Variants in SEMA3D observed in about 807,000 individuals in gnomAD.
The protein encoded by SEMA3D is semaphorin 3D.
SEMA3D carries 84 observed loss-of-function variants against 100.1 expected under a neutral mutation model. The ratio of observed to expected loss-of-function variants is 0.84; its 90% CI spans 0.70 to 1.01. The LOEUF (loss-of-function observed/expected upper bound fraction) is 1.01. Ranked by LOEUF, SEMA3D falls within the 50% of genes least tolerant of loss-of-function variation. The probability of loss-of-function intolerance (pLI) is 0.00; values close to 1 mark genes in which losing one functional copy is unlikely to be tolerated. For synonymous variants in SEMA3D, 312 were observed against 320.7 expected, an observed-to-expected ratio of 0.97 and a Z score of 0.29; for missense variants, 875 against 934.1, an observed-to-expected ratio of 0.94 and a Z score of 0.82.
rs35480171 is a variant in SEMA3D at position 85,117,763 on chromosome 7, AGTATGTATGTATGTAT to A, written c.151+3962_151+3977del. Among the ~76,000 whole-genome samples, 171 of 145,844 alleles carry A rather than the reference AGTATGTATGTATGTAT, an allele frequency of 1.2e-3. 1 individual carries two copies. The highest frequency in any genetic ancestry group is 7.2e-3 in the Middle Eastern group (2 of 278). ...ACTTGAGCGTGGGAGACAGAGCAAG[AGTATGTATGTATGTAT>A]GTATGTATGTATGTATGTATGTATG... On this transcript the variant is annotated intron_variant, in intron 3 of 18. Transcript: ENST00000284136.
intron 1 of SEMA3D, 63 bp from the exon 2 acceptor site, chr7:85,153,802 G>T (rs973139380): frequency 6.6e-6 from 1 of 152,160 alleles, no homozygotes; most frequent in Admixed American, 6.6e-5. Flanking sequence ...CCAGGACCAG[G>T]AAAGTCAGAT....
chr7:85,127,106 G>A (rs1470105134), intron 2 of SEMA3D, among the ~76,000 whole-genome samples: 1 of 152,106 alleles, frequency 6.6e-6, no homozygotes, highest in Non-Finnish European at 1.5e-5. Flanking sequence ...ACTCCTCAGA[G>A]ATCATGAAGA....
chr7:85,202,913 T>C, the SEMA3D span, among the ~76,000 whole-genome samples: 1 of 152,094 alleles, frequency 6.6e-6, no homozygotes, highest in Non-Finnish European at 1.5e-5. Context: ...TCTAAAGAAC[T>C]GGGAAATAAC....
chr7:85,016,371 AC>A (rs1455383959), intron 15 of SEMA3D, among the ~76,000 whole-genome samples: 1 of 150,906 alleles, frequency 6.6e-6, no homozygotes, highest in Admixed American at 6.6e-5. Flanking sequence ...AAATGTAATA[AC>A]CCCCCCTAAA....
At chr7:85,005,888 A>G (rs932885018) in intron 18 of SEMA3D, among the ~76,000 whole-genome samples, 1 of 152,036 alleles carries the variant, frequency 6.6e-6, no homozygotes, top group Admixed American at 6.6e-5. Flanking sequence ...GTTTGACTTA[A>G]TTACATGTAC....
At chr7:85,068,647 A>G (rs1460034663) in intron 6 of SEMA3D, among the ~76,000 whole-genome samples, 1 of 152,186 alleles carries the variant, frequency 6.6e-6, no homozygotes, top group Non-Finnish European at 1.5e-5. Context: ...AACCAACTTC[A>G]TCTTTTAAGA....
intron 7 of SEMA3D, among the ~76,000 whole-genome samples, 198 bp from the exon 8 acceptor site, chr7:85,065,750 CT>C (rs1386238010): frequency 6.6e-6 from 1 of 152,124 alleles, no homozygotes. Context: ...TAAGCTGATG[CT>C]GAATACTTGA....
intron 2 of SEMA3D, among the ~76,000 whole-genome samples, chr7:85,128,877 T>A (rs933881680): frequency 8.9e-5 from 11 of 123,242 alleles, no homozygotes; most frequent in East Asian, 5.3e-4. Context: ...ATATATATAT[T>A]TTTTTCCTTT....
chr7:85,209,086 A>C, the SEMA3D span, among the ~76,000 whole-genome samples: 1 of 152,032 alleles, frequency 6.6e-6, no homozygotes, highest in Admixed American at 6.6e-5. Context: ...TATGTTAATT[A>C]AAATCAGTTT....
intron 8 of SEMA3D, among the ~76,000 whole-genome samples, chr7:85,059,466 T>C (rs1791414598): frequency 6.6e-6 from 1 of 152,216 alleles, no homozygotes; most frequent in African/African-American, 2.4e-5. Context: ...GAATTTATTG[T>C]AGCACTTGCA....
At chr7:85,054,797 A>T (rs1443452586) in intron 9 of SEMA3D, among the ~76,000 whole-genome samples, 1 of 152,092 alleles carries the variant, frequency 6.6e-6, no homozygotes, top group African/African-American at 2.4e-5. Context: ...CTTCCCCTTA[A>T]TAACTGAGTT....
At chr7:85,168,290 G>C (rs1790969586) in intron 1 of SEMA3D, among the ~76,000 whole-genome samples, 1 of 151,798 alleles carries the variant, frequency 6.6e-6, no homozygotes, top group African/African-American at 2.4e-5. Context: ...CTTTCTACAG[G>C]CTAGTCAGAA....
chr7:85,201,989 G>A, the SEMA3D span, among the ~76,000 whole-genome samples: 1 of 151,374 alleles, frequency 6.6e-6, no homozygotes, highest in Non-Finnish European at 1.5e-5. Flanking sequence ...CAATATGCTA[G>A]GATTACAGGC....
intron 9 of SEMA3D, among the ~76,000 whole-genome samples, chr7:85,048,733 A>G (rs1465699652): frequency 1.3e-5 from 2 of 151,896 alleles, no homozygotes; most frequent in Non-Finnish European, 2.9e-5. Flanking sequence ...CTAAAAAATG[A>G]AGGCAAAAAT....
chr7:85,040,820 C>A, intron 10 of SEMA3D, 78 bp from the exon 11 acceptor site: 1 of 695,112 alleles, frequency 1.4e-6, no homozygotes, highest in South Asian at 1.6e-5. Flanking sequence ...ACAACTGAAA[C>A]TCTGAAAATC....
chr7:85,121,907 C>T lies in SEMA3D; in HGVS notation c.-16G>A, dbSNP rs1256434803. 1.3e-6 allele frequency: 2 copies of T among 1,521,768 alleles called. No homozygotes were observed. The highest frequency in any genetic ancestry group is 1.2e-5 in the South Asian group (1 of 80,502). The allele number at this position is 1,521,768 out of a possible 1,614,324, so 94.3% of individuals were successfully genotyped here. On this transcript the variant is annotated 5_prime_UTR_variant, in exon 3 of 19. Transcript: ENST00000284136. ...TAGCATTCATGATGAAAACAATGTT[C>T]TCTTTCAAATGGTGTTAATTTAATC...
chr7:85,155,830 G>C (rs757209406), intron 1 of SEMA3D, among the ~76,000 whole-genome samples: 35 of 152,058 alleles, frequency 2.3e-4, no homozygotes, highest in Non-Finnish European at 4.4e-4. Flanking sequence ...TCATGAAGTT[G>C]TGGCACCTCA....
At chr7:85,002,628 C>A (rs1789684435) in intron 18 of SEMA3D, among the ~76,000 whole-genome samples, 1 of 152,128 alleles carries the variant, frequency 6.6e-6, no homozygotes, top group Non-Finnish European at 1.5e-5. Flanking sequence ...ATAATGTAAT[C>A]TCTGGCCATT....
At chr7:85,078,266 C>A (rs1787944100) in intron 5 of SEMA3D, among the ~76,000 whole-genome samples, 1 of 147,240 alleles carries the variant, frequency 6.8e-6, no homozygotes, top group South Asian at 2.1e-4. Flanking sequence ...TAGTTTTAGA[C>A]TTTCTTGAGA....
Sources: gnomAD v4.1 joint callset for allele counts (sites outside exome capture counted in the v4.1 genomes callset) on GRCh38, gnomAD v4.1.1 for gene constraint, MANE v1.5 for transcripts, NCBI Gene and HGNC (gene_info 2026-07-23, HGNC 2026-07-21) for gene names.